BRCA1: variants seen among roughly 807,000 people sequenced by gnomAD.
BRCA1 encodes BRCA1 DNA repair associated.
In BRCA1, 140 loss-of-function variants were observed where a neutral mutation model predicts 173.7. The ratio of observed to expected loss-of-function variants is 0.81; its 90% CI spans 0.70 to 0.93. The LOEUF is 0.93. Among genes scored for constraint, BRCA1 ranks in the 40% least tolerant of loss-of-function variants. The pLI is 0.00. For synonymous variants in BRCA1, 662 were observed against 756.0 expected, an observed-to-expected ratio of 0.88 and a Z score of 2.04; for missense variants, 1,983 against 2,172.5, an observed-to-expected ratio of 0.91 and a Z score of 1.73.
At position 43,091,920 on chromosome 17, in the gene BRCA1, C is replaced by G. The variant is rs1456509049; in HGVS notation, c.3611G>C (p.Arg1204Thr). ...TGAGGACTCTAATTTCTTGGCCCCT[C>G]TTCGGTAACCCTGAGCCAAATGTGT... ...THTHLAQGYR[R>T]GAKKLESSEE... The change falls in exon 10 of 23, where the codon AGA becomes ACA. Residue 1204 changes from arginine to threonine, a missense_variant. Arg to Thr is a moderately conservative substitution (Grantham distance 71). Transcript: ENST00000357654. 6.2e-7 allele frequency: 1 copy of G among 1,614,162 alleles called. No individual in the cohort carries two copies. Among genetic ancestry groups the G allele is most frequent in the South Asian group, 1.1e-5 (1 of 91,088 alleles).
intron 12 of BRCA1, chr17:43,079,607 A>G (rs1478351762): frequency 1.2e-5 from 10 of 842,632 alleles, no homozygotes; most frequent in Middle Eastern, 3.1e-4. Flanking sequence ...GAGCCAAGAC[A>G]GCTTCCTGAA....
chr17:43,121,200 C>A (rs1433157238), intron 2 of BRCA1, among the ~76,000 whole-genome samples: 1 of 151,618 alleles, frequency 6.6e-6, no homozygotes, highest in Non-Finnish European at 1.5e-5. Flanking sequence ...ATGGTGAAAC[C>A]CCGTCTCTAC....
chr17:43,117,977 A>G (rs768765042), intron 2 of BRCA1, among the ~76,000 whole-genome samples: 1 of 152,216 alleles, frequency 6.6e-6, no homozygotes, highest in Non-Finnish European at 1.5e-5. Flanking sequence ...TGTGGTAGAC[A>G]GTTGATACGG....
At chr17:43,131,570 A>T (rs1264234197) in intron 1 of BRCA1, among the ~76,000 whole-genome samples, 8 of 151,890 alleles carry the variant, frequency 5.3e-5, no homozygotes, top group African/African-American at 7.3e-5. Context: ...AAATACAAAA[A>T]ATTAGCCAAA....
chr17:43,124,246 C>A, intron 1 of BRCA1, 131 bp from the exon 2 acceptor site: 2 of 600,466 alleles, frequency 3.3e-6, no homozygotes, highest in East Asian at 2.9e-5. Context: ...AACCAAAGAA[C>A]TAATGACAAC....
chr17:43,084,705 A>T (rs1280229478), intron 11 of BRCA1, among the ~76,000 whole-genome samples: 1 of 152,152 alleles, frequency 6.6e-6, no homozygotes, highest in East Asian at 1.9e-4. Flanking sequence ...AAAGGTTTCT[A>T]CTGCTACTCT....
In BRCA1 at chr17:43,138,948, A is replaced by G. The variant is rs768692016; in HGVS notation, c.-19-14833T>C. On this transcript the variant is annotated intron_variant, in intron 1 of 7. Transcript: ENST00000634433. ...GTAAAGTAGCCTGAAAGCCAGTGGTACAACCCCCTCCCCACAACCTTCACC... is the reference window on the plus strand; with the variant it reads ...GTAAAGTAGCCTGAAAGCCAGTGGTGCAACCCCCTCCCCACAACCTTCACC... The G allele has an allele frequency of 3.9e-6, 3 of 778,840 alleles. No homozygotes were observed. In the East Asian group the frequency reaches 7.3e-5, roughly 19 times the overall value. 48.2% of individuals were successfully genotyped at this position (778,840 alleles called of 1,614,324 possible).
upstream of BRCA1, among the ~76,000 whole-genome samples, chr17:43,127,789 C>T (rs760639006): frequency 7.9e-5 from 12 of 151,936 alleles, no homozygotes; most frequent in Non-Finnish European, 1.3e-4. Flanking sequence ...ATTTGGGAGG[C>T]CTAGAGGGGT....
rs55680227 is a variant in BRCA1, at chr17:43,125,086, A to C, written c.-20+185T>G. 815 of 423,158 alleles carry C rather than the reference A, an allele frequency of 1.9e-3. 11 individuals carry two copies. Among genetic ancestry groups the C allele is most frequent in the African/African-American group, 0.015 (684 of 44,204 alleles). The allele number at this position is 423,158 out of a possible 1,614,324, so 26.2% of individuals were successfully genotyped here. Reference sequence around the variant, plus strand: ...ACTCAGTGCCCCCTTCCTGATCCTCAGCGCTTCCCTCGCGACCTACAAACT... The same window carrying C: ...ACTCAGTGCCCCCTTCCTGATCCTCCGCGCTTCCCTCGCGACCTACAAACT... On this transcript the variant is annotated intron_variant, in intron 1 of 22. Coordinates refer to ENST00000357654, the MANE Select transcript of BRCA1 (RefSeq NM_007294.4).
rs1403845309 is a variant in BRCA1 at position 43,115,269 on chromosome 17, C to T, written c.134+457G>A. Among the ~76,000 whole-genome samples the T allele has an allele frequency of 4.6e-5, 7 of 152,142 alleles. No homozygotes were observed. In the East Asian group the frequency reaches 9.7e-4, roughly 21 times the overall value. ...CTGTAATCCCAGAACTTTGGGAGGCCGAGGCAGGTGGATCACAAGGTCAGG... is the reference window on the plus strand; with the variant it reads ...CTGTAATCCCAGAACTTTGGGAGGCTGAGGCAGGTGGATCACAAGGTCAGG... On this transcript the variant is annotated intron_variant, in intron 3 of 22. Transcript: ENST00000357654.
chr17:43,165,542 CATTTTTTGCATAA>C (rs1438521982), intron 1 of BRCA1, among the ~76,000 whole-genome samples: 5 of 150,568 alleles, frequency 3.3e-5, no homozygotes, highest in East Asian at 3.9e-4. Context: ...AATTATACAA[CATTTTTTGCATAA>C]ATTTTTTTAT....
chr17:43,125,112 G>A, intron 1 of BRCA1, 159 bp downstream of exon 1: 42 of 270,342 alleles, frequency 1.6e-4, no homozygotes, highest in South Asian at 3.4e-4. Flanking sequence ...CCTACAAACT[G>A]CCCCCCTCCC....
At chr17:43,115,895 A>G in intron 2 of BRCA1, 116 bp from the exon 3 acceptor site, 1 of 1,027,728 alleles carries the variant, frequency 9.7e-7, no homozygotes, top group Admixed American at 2.4e-5. Flanking sequence ...GAGTCAACAT[A>G]AGGCCTCAAG....
chr17:43,139,018 C>T (rs1489797503), intron 1 of BRCA1: 20 of 762,876 alleles, frequency 2.6e-5, no homozygotes, highest in Non-Finnish European at 4.4e-5. Context: ...CTATATACAA[C>T]CCCTTTTTGT....
intron 11 of BRCA1, among the ~76,000 whole-genome samples, chr17:43,083,609 G>A (rs1314993148): frequency 6.6e-6 from 1 of 152,040 alleles, no homozygotes; most frequent in Non-Finnish European, 1.5e-5. Flanking sequence ...TTCTAGACAG[G>A]GACATCTCAT....
chr17:43,111,618 G>A (rs1055450523), intron 3 of BRCA1, among the ~76,000 whole-genome samples: 1 of 151,888 alleles, frequency 6.6e-6, no homozygotes, highest in East Asian at 1.9e-4. Flanking sequence ...TCAGGAGATC[G>A]AGACCATCCT....
chr17:43,050,044 G>A (rs987100397), intron 20 of BRCA1: 8 of 398,472 alleles, frequency 2.0e-5, no homozygotes, highest in Admixed American at 4.4e-5. Context: ...CTAATAAAGA[G>A]GATGGAAACA....
chr17:43,104,881 G>A lies in BRCA1; in HGVS notation c.288C>T (p.Asp96=), dbSNP rs146085503. The stretch of plus-strand genomic sequence containing the variant: ...TTCAACACTTACACTCCAAACCTGT[G>A]TCAAGCTGAAAAGCACAAATGATTT... ...LLKIICAFQL[D]TGLEYANSYN... is the part of the protein sequence containing the mutation. Residue 96 remains aspartate (D), a synonymous_variant, in exon 5 of 23, where the codon GAC becomes GAT. Transcript: ENST00000357654. 56 of 1,613,658 alleles carry A rather than the reference G, an allele frequency of 3.5e-5. No homozygotes were observed. Among genetic ancestry groups the A allele is most frequent in the Non-Finnish European group, 4.7e-5 (55 of 1,179,820 alleles).
chr17:43,063,245 G>C (rs2051845161), intron 18 of BRCA1, 88 bp downstream of exon 18: 1 of 1,076,538 alleles, frequency 9.3e-7, no homozygotes, highest in Non-Finnish European at 1.4e-6. Context: ...GTTAAGGAAA[G>C]TGGTGCATTG....
Sources: allele counts gnomAD v4.1 joint callset (sites outside exome capture counted in the v4.1 genomes callset), GRCh38; gene constraint gnomAD v4.1.1; transcripts MANE v1.5; gene names NCBI Gene and HGNC (gene_info 2026-07-23, HGNC 2026-07-21).